The following MPZL3 variants were observed in gnomAD, a reference collection of about 807,000 sequenced individuals.
MPZL3 encodes the protein myelin protein zero-like protein 3.
MPZL3 carries 23 observed loss-of-function variants against 24.8 expected under a neutral mutation model. The observed-to-expected ratio is 0.93, with a 90% CI of 0.67 to 1.31. The LOEUF (loss-of-function observed/expected upper bound fraction) is 1.31. MPZL3 is among the 40% of genes most tolerant of loss of function. The probability of loss-of-function intolerance (pLI) is 0.00; values close to 1 mark genes in which losing one functional copy is unlikely to be tolerated. For missense variants in MPZL3, 277 were observed against 294.9 expected, an observed-to-expected ratio of 0.94 and a Z score of 0.44; for synonymous variants, 99 against 106.5, an observed-to-expected ratio of 0.93 and a Z score of 0.44.
intron 4 of MPZL3, among the ~76,000 whole-genome samples, chr11:118,235,140 A>T (rs190376564): frequency 4.6e-5 from 7 of 152,208 alleles, no homozygotes; most frequent in African/African-American, 1.4e-4. Context: ...AGAATGAAAC[A>T]TTGACTTCAG....
In MPZL3 at chr11:118,252,210, C is replaced by A; in HGVS notation, c.73+12G>T. 1 of 1,613,314 alleles carries A rather than the reference C, an allele frequency of 6.2e-7. No individual in the cohort carries two copies. Among genetic ancestry groups the A allele is most frequent in the Non-Finnish European group, 8.5e-7 (1 of 1,179,862 alleles). On this transcript the variant is annotated intron_variant, in intron 1 of 5. Coordinates refer to ENST00000278949, the MANE Select transcript of MPZL3 (RefSeq NM_198275.3). The stretch of plus-strand genomic sequence containing the variant: ...CGGCCGGAAGTGGAGCGTAGCCAGC[C>A]GGAGCACTCACCCTGGAAGAACAGG...
chr11:118,244,500 G>C (rs971384313), intron 1 of MPZL3, among the ~76,000 whole-genome samples: 1 of 152,194 alleles, frequency 6.6e-6, no homozygotes, highest in Non-Finnish European at 1.5e-5. Flanking sequence ...GTAACAAGGT[G>C]AGGAGAGGGA....
At position 118,227,089 on chromosome 11, in the gene MPZL3, G is replaced by A. The variant is rs1949280631; in HGVS notation, c.*2805C>T. 6.6e-6 allele frequency: 1 copy of A among 152,218 alleles called. No homozygotes were observed. Among genetic ancestry groups the A allele is most frequent in the African/African-American group, 2.4e-5 (1 of 41,448 alleles). 9.4% of individuals were successfully genotyped at this position (152,218 alleles called of 1,614,324 possible). ...CAGTGCTGGGTTCAGGAGCTACAGAGGACTAAGATGTTCCCCAAGTAGCCT... is the reference window on the plus strand; with the variant it reads ...CAGTGCTGGGTTCAGGAGCTACAGAAGACTAAGATGTTCCCCAAGTAGCCT... On this transcript the variant is annotated 3_prime_UTR_variant, in exon 6 of 6. Coordinates refer to ENST00000278949, the MANE Select transcript of MPZL3 (RefSeq NM_198275.3).
intron 1 of MPZL3, among the ~76,000 whole-genome samples, chr11:118,249,303 G>T (rs1949592650): frequency 6.6e-6 from 1 of 152,096 alleles, no homozygotes; most frequent in South Asian, 2.1e-4. Flanking sequence ...AAAATTCATT[G>T]AGCTGTATAG....
chr11:118,245,947 T>C (rs1311163460), intron 1 of MPZL3, among the ~76,000 whole-genome samples: 1 of 152,192 alleles, frequency 6.6e-6, no homozygotes, highest in East Asian at 1.9e-4. Flanking sequence ...TAAAATACTC[T>C]CTGGCCCTTT....
chr11:118,235,237 T>A (rs1253898160), intron 4 of MPZL3, among the ~76,000 whole-genome samples, 187 bp downstream of exon 4: 1 of 152,168 alleles, frequency 6.6e-6, no homozygotes, highest in East Asian at 1.9e-4. Flanking sequence ...TCTCTCCAAA[T>A]TAATATTCAC....
chr11:118,252,224 T>TG lies in MPZL3; in HGVS notation c.70dup (p.Gln24ProfsTer39). The stretch of plus-strand genomic sequence containing the variant: ...GCGTAGCCAGCCGGAGCACTCACCC[T>TG]GGAAGAACAGGACGCCCAGCAGAGG... On this transcript the variant is annotated frameshift_variant, in exon 1 of 6. Coordinates refer to ENST00000278949, the MANE Select transcript of MPZL3 (RefSeq NM_198275.3). LOFTEE classifies it high-confidence loss of function. The TG allele has an allele frequency of 3.7e-6, 6 of 1,613,610 alleles. No individual in the cohort carries two copies. Among genetic ancestry groups the TG allele is most frequent in the Non-Finnish European group, 4.2e-6 (5 of 1,179,918 alleles).
chr11:118,235,896 CCT>C (rs1297945973), intron 3 of MPZL3, among the ~76,000 whole-genome samples: 3 of 152,126 alleles, frequency 2.0e-5, no homozygotes, highest in Non-Finnish European at 4.4e-5. Context: ...ATTTTAACCT[CCT>C]TTTTTACTTA....
chr11:118,233,412 A>C, intron 5 of MPZL3, 48 bp downstream of exon 5: 1 of 1,604,054 alleles, frequency 6.2e-7, no homozygotes, highest in South Asian at 1.1e-5. Context: ...TTAGGTAAGC[A>C]GGAAAGTGGG....
At chr11:118,242,394 T>C (rs1188578274) in intron 1 of MPZL3, among the ~76,000 whole-genome samples, 5 of 152,226 alleles carry the variant, frequency 3.3e-5, no homozygotes, top group Non-Finnish European at 7.3e-5. Flanking sequence ...ATAACTTTAA[T>C]AAACATTAGC....
chr11:118,249,067 G>C (rs955135346), intron 1 of MPZL3, among the ~76,000 whole-genome samples: 2 of 152,046 alleles, frequency 1.3e-5, no homozygotes, highest in African/African-American at 4.8e-5. Flanking sequence ...TTTTGAGACA[G>C]AGTCTCACTC....
intron 1 of MPZL3, 56 bp downstream of exon 1, chr11:118,252,166 A>G: frequency 6.3e-7 from 1 of 1,586,304 alleles, no homozygotes; most frequent in East Asian, 2.2e-5. Context: ...CGGAAAAGCG[A>G]CCATCTTCCC....
chr11:118,235,942 T>C (rs969118324), intron 3 of MPZL3, among the ~76,000 whole-genome samples: 4 of 152,250 alleles, frequency 2.6e-5, no homozygotes, highest in African/African-American at 9.6e-5. Flanking sequence ...TCCTTCCAGA[T>C]GTGATGTGTA....
chr11:118,244,903 C>T (rs1342842589), intron 1 of MPZL3, among the ~76,000 whole-genome samples: 5 of 152,054 alleles, frequency 3.3e-5, no homozygotes, highest in African/African-American at 9.7e-5. Flanking sequence ...GGTGAAACCC[C>T]GTCTCTACTA....
At chr11:118,247,847 C>T (rs1949572596) in intron 1 of MPZL3, among the ~76,000 whole-genome samples, 1 of 152,094 alleles carries the variant, frequency 6.6e-6, no homozygotes, top group South Asian at 2.1e-4. Context: ...CAAGATTTAA[C>T]TTCATCTCCA....
intron 1 of MPZL3, among the ~76,000 whole-genome samples, chr11:118,249,289 T>G (rs941542285): frequency 6.6e-6 from 1 of 152,226 alleles, no homozygotes; most frequent in South Asian, 2.1e-4. Context: ...GTGTTCAGTT[T>G]CTTAAAATTC....
chr11:118,229,625 C>A lies in MPZL3; in HGVS notation c.*269G>T, dbSNP rs1175650841. The A allele has an allele frequency of 8.5e-6, 3 of 353,468 alleles. No individual in the cohort carries two copies. The highest frequency in any genetic ancestry group is 7.3e-4 in the Middle Eastern group (1 of 1,362). The allele number at this position is 353,468 out of a possible 1,614,324, so 21.9% of individuals were successfully genotyped here. On this transcript the variant is annotated 3_prime_UTR_variant, in exon 6 of 6. Coordinates refer to ENST00000278949, the MANE Select transcript of MPZL3 (RefSeq NM_198275.3). ...ATGAATCAAAAAGTATCTTTTTGCT[C>A]AGGAAAAGAATTTCTTCATTCAATT...
At chr11:118,251,756 T>C (rs1268423384) in intron 1 of MPZL3, among the ~76,000 whole-genome samples, 1 of 152,234 alleles carries the variant, frequency 6.6e-6, no homozygotes, top group African/African-American at 2.4e-5. Flanking sequence ...TATTTCATTT[T>C]ATAGACTACA....
chr11:118,250,168 A>ATTTTTTTTTTTTTTTTTTTTTTTTTT (rs71041823), intron 1 of MPZL3, among the ~76,000 whole-genome samples: 2 of 104,260 alleles, frequency 1.9e-5, no homozygotes, highest in Non-Finnish European at 1.8e-5. Flanking sequence ...CACCTGGCTA[A>ATTTTTTTTTTTTTTTTTTTTTTTTTT]TTTTTTTTTT....
Sources: allele counts gnomAD v4.1 joint callset (sites outside exome capture counted in the v4.1 genomes callset), GRCh38; gene constraint gnomAD v4.1.1; transcripts MANE v1.5; gene names NCBI Gene and HGNC (gene_info 2026-07-23, HGNC 2026-07-21).